SV2C: variants seen among roughly 807,000 people sequenced by gnomAD.
SV2C encodes the protein synaptic vesicle glycoprotein 2C, also known as solute carrier family 22 member B3.
In SV2C, 49 loss-of-function variants were observed where a neutral mutation model predicts 79.7. The observed-to-expected ratio is 0.61, with a 90% CI of 0.49 to 0.78. SV2C has a LOEUF of 0.78. Among genes scored for constraint, SV2C ranks in the 30% least tolerant of loss-of-function variants. SV2C has a pLI of 0.00. For missense variants in SV2C, 833 were observed against 912.9 expected (o/e 0.91, Z 1.13); for synonymous variants, 334 against 333.2 (o/e 1.00, Z -0.03).
chr5:76,234,739 C>T (rs72773777), intron 4 of SV2C, among the ~76,000 whole-genome samples: 283 of 152,306 alleles, frequency 1.9e-3, no homozygotes, highest in Non-Finnish European at 2.6e-3. Flanking sequence ...CCCTGCCTCC[C>T]TCTGGTGCAG....
the SV2C span, among the ~76,000 whole-genome samples, chr5:76,076,146 T>C: frequency 6.6e-6 from 1 of 152,242 alleles, no homozygotes; most frequent in Non-Finnish European, 1.5e-5. Context: ...TAGCATTCTG[T>C]ATAAAACTGT....
intron 2 of SV2C, among the ~76,000 whole-genome samples, chr5:76,166,269 C>T (rs4582256): frequency 0.69 from 104,434 of 152,098 alleles, 36,916 homozygotes; most frequent in East Asian, 0.97. Context: ...CAGTGTGGAA[C>T]CTGTGATCTG....
At chr5:75,975,642 A>G in the SV2C span, among the ~76,000 whole-genome samples, 6 of 152,172 alleles carry the variant, frequency 3.9e-5, no homozygotes, top group East Asian at 1.2e-3. Flanking sequence ...TGAACTCGCA[A>G]CAGGAAGGAC....
At chr5:75,965,686 A>T in the SV2C span, among the ~76,000 whole-genome samples, 1 of 152,206 alleles carries the variant, frequency 6.6e-6, no homozygotes, top group African/African-American at 2.4e-5. Flanking sequence ...AAGTGGAGTG[A>T]ATTTATTTCT....
the SV2C span, chr5:75,920,873 T>G: frequency 2.6e-6 from 2 of 758,888 alleles, no homozygotes; most frequent in South Asian, 2.7e-5. Context: ...TGTAATGGGC[T>G]GGGTCAGCGA....
At chr5:76,293,801 A>G (rs1031602146) in intron 8 of SV2C, among the ~76,000 whole-genome samples, 11 of 152,154 alleles carry the variant, frequency 7.2e-5, no homozygotes, top group Admixed American at 6.6e-4. Flanking sequence ...TCCCATTTAA[A>G]CTGAGCAACC....
intron 1 of SV2C, among the ~76,000 whole-genome samples, chr5:76,129,421 G>A (rs1357728889): frequency 3.3e-5 from 5 of 152,140 alleles, no homozygotes; most frequent in Non-Finnish European, 7.4e-5. Context: ...CACATCCTTT[G>A]TTTTGTCCTG....
chr5:76,058,140 G>T, the SV2C span, among the ~76,000 whole-genome samples: 6 of 152,052 alleles, frequency 3.9e-5, no homozygotes, highest in Admixed American at 2.0e-4. Context: ...AATGCCAGAG[G>T]TGCAAGGTGC....
At chr5:76,164,472 A>G (rs1742985240) in intron 2 of SV2C, among the ~76,000 whole-genome samples, 1 of 152,250 alleles carries the variant, frequency 6.6e-6, no homozygotes, top group Non-Finnish European at 1.5e-5. Flanking sequence ...AAAGTCAGCT[A>G]GATTTGAGTG....
the SV2C span, among the ~76,000 whole-genome samples, chr5:76,019,030 C>A: frequency 6.6e-6 from 1 of 152,266 alleles, no homozygotes; most frequent in African/African-American, 2.4e-5. Flanking sequence ...CACCTTTTCA[C>A]CTCCCTCCTG....
At chr5:76,204,190 A>T (rs979761080) in intron 3 of SV2C, among the ~76,000 whole-genome samples, 1 of 152,210 alleles carries the variant, frequency 6.6e-6, no homozygotes, top group Non-Finnish European at 1.5e-5. Flanking sequence ...AATTTATAAC[A>T]TAATAAATTG....
intron 2 of SV2C, among the ~76,000 whole-genome samples, chr5:76,177,162 A>G (rs1207137399): frequency 6.7e-6 from 1 of 148,648 alleles, no homozygotes; most frequent in Non-Finnish European, 1.5e-5. Flanking sequence ...TATATATTTA[A>G]TAATCAATTA....
intron 2 of SV2C, among the ~76,000 whole-genome samples, chr5:76,143,605 A>G (rs1749330851): frequency 6.6e-6 from 1 of 152,196 alleles, no homozygotes; most frequent in African/African-American, 2.4e-5. Flanking sequence ...ACCCCCAGGA[A>G]GCAATAGGAT....
intron 8 of SV2C, among the ~76,000 whole-genome samples, chr5:76,294,980 C>G (rs1393222): frequency 0.32 from 49,170 of 151,882 alleles, 8,511 homozygotes; most frequent in East Asian, 0.39. Context: ...TTTAGGGGCT[C>G]TCACCGTGCT....
At chr5:76,217,614 C>G (rs1351216322) in intron 4 of SV2C, among the ~76,000 whole-genome samples, 1 of 152,106 alleles carries the variant, frequency 6.6e-6, no homozygotes, top group Admixed American at 6.5e-5. Context: ...AATGGTAGCT[C>G]TTGTTGCTAT....
intron 4 of SV2C, among the ~76,000 whole-genome samples, chr5:76,244,708 T>C (rs1745893433): frequency 6.6e-6 from 1 of 152,248 alleles, no homozygotes; most frequent in African/African-American, 2.4e-5. Flanking sequence ...TCAGTTCATA[T>C]TCAAGTTGAT....
At chr5:76,041,576 C>G in the SV2C span, among the ~76,000 whole-genome samples, 11 of 152,200 alleles carry the variant, frequency 7.2e-5, no homozygotes, top group Non-Finnish European at 1.2e-4. Flanking sequence ...TATTTAGAGA[C>G]AGCGAATGGG....
intron 4 of SV2C, among the ~76,000 whole-genome samples, chr5:76,244,168 A>G (rs890409200): frequency 6.6e-6 from 1 of 152,034 alleles, no homozygotes; most frequent in East Asian, 1.9e-4. Flanking sequence ...CTCACTTACT[A>G]CTCTGTCCCC....
At chr5:76,270,101 C>A (rs1343216844) in intron 4 of SV2C, among the ~76,000 whole-genome samples, 3 of 152,166 alleles carry the variant, frequency 2.0e-5, no homozygotes, top group Non-Finnish European at 4.4e-5. Flanking sequence ...ATGTCTCCTG[C>A]AGGGTCATAA....
Sources: gnomAD v4.1 joint callset for allele counts (sites outside exome capture counted in the v4.1 genomes callset) on GRCh38, gnomAD v4.1.1 for gene constraint, MANE v1.5 for transcripts, NCBI Gene and HGNC (gene_info 2026-07-23, HGNC 2026-07-21) for gene names.